Variants in RARB observed in about 807,000 individuals in gnomAD.
The protein encoded by RARB is retinoic acid receptor beta.
In RARB, 17 loss-of-function variants were observed where a neutral mutation model predicts 51.9. The ratio of observed to expected loss-of-function variants is 0.33; its 90% CI spans 0.22 to 0.49. The LOEUF (loss-of-function observed/expected upper bound fraction) is 0.49, where lower values mean the gene tolerates loss of function less well. RARB is among the 20% of genes least tolerant of loss of function. The pLI is 0.99. For missense variants in RARB, 369 were observed against 550.8 expected (o/e 0.67, Z 3.30); for synonymous variants, 215 against 195.4 (o/e 1.10, Z -0.84).
intron 2 of RARB, among the ~76,000 whole-genome samples, chr3:24,883,591 T>TAA (rs1053451636): frequency 6.6e-6 from 1 of 152,174 alleles, no homozygotes; most frequent in Non-Finnish European, 1.5e-5. Flanking sequence ...ATGGTTAAGT[T>TAA]AATTCACTTT....
intron 3 of RARB, among the ~76,000 whole-genome samples, chr3:25,130,249 T>C (rs1699924469): frequency 6.6e-6 from 1 of 152,112 alleles, no homozygotes; most frequent in South Asian, 2.1e-4. Context: ...TTCACTGTCT[T>C]GGAAGTCTTT....
chr3:25,406,864 A>G (rs578122049), intron 5 of RARB, among the ~76,000 whole-genome samples: 2 of 152,220 alleles, frequency 1.3e-5, no homozygotes, highest in South Asian at 4.2e-4. Context: ...GGGTGAAAAA[A>G]ATTGAGCTCA....
intron 2 of RARB, among the ~76,000 whole-genome samples, chr3:25,023,024 T>C (rs1248130230): frequency 6.6e-6 from 1 of 152,156 alleles, no homozygotes; most frequent in Non-Finnish European, 1.5e-5. Flanking sequence ...CTGCATGGAT[T>C]ACAAATTGGA....
intron 1 of RARB, among the ~76,000 whole-genome samples, chr3:25,455,672 G>T (rs1182794294): frequency 1.3e-5 from 2 of 152,154 alleles, no homozygotes; most frequent in Non-Finnish European, 2.9e-5. Flanking sequence ...CAGCATCACT[G>T]GTGCTGACTG....
At chr3:25,174,656 A>C (rs1700708489) in intron 5 of RARB, 39 of 1,232,142 alleles carry the variant, frequency 3.2e-5, no homozygotes, top group Non-Finnish European at 4.2e-5. Context: ...GTTGGTATCC[A>C]GGGCAATTTC....
chr3:25,119,103 T>C (rs904166489), intron 3 of RARB, among the ~76,000 whole-genome samples: 1 of 152,138 alleles, frequency 6.6e-6, no homozygotes, highest in Non-Finnish European at 1.5e-5. Flanking sequence ...TATTTTTTCA[T>C]TACAAAGCAA....
intron 3 of RARB, among the ~76,000 whole-genome samples, chr3:25,069,711 G>C (rs1347538584): frequency 6.6e-6 from 1 of 152,230 alleles, no homozygotes; most frequent in Non-Finnish European, 1.5e-5. Context: ...AAGCGGAGGG[G>C]GAGGCAGGGA....
intron 5 of RARB, among the ~76,000 whole-genome samples, chr3:25,204,206 C>G (rs1041583654): frequency 6.6e-6 from 1 of 152,172 alleles, no homozygotes; most frequent in Non-Finnish European, 1.5e-5. Flanking sequence ...ACCCTTTCTT[C>G]CAGTTGATCG....
chr3:25,223,367 G>A (rs938362804), intron 5 of RARB, among the ~76,000 whole-genome samples: 1 of 152,140 alleles, frequency 6.6e-6, no homozygotes, highest in African/African-American at 2.4e-5. Flanking sequence ...ATGAGGAAAA[G>A]GCTTAATGAA....
intron 5 of RARB, among the ~76,000 whole-genome samples, chr3:25,401,039 A>G (rs1211371286): frequency 6.6e-6 from 1 of 152,154 alleles, no homozygotes; most frequent in Non-Finnish European, 1.5e-5. Context: ...TAGTTTCATA[A>G]GGCAAGAGGT....
intron 3 of RARB, among the ~76,000 whole-genome samples, chr3:25,072,084 G>A (rs1331561324): frequency 1.3e-5 from 2 of 152,234 alleles, no homozygotes; most frequent in African/African-American, 4.8e-5. Flanking sequence ...TTCTGTGTTG[G>A]TCTTTGCTGC....
intron 5 of RARB, among the ~76,000 whole-genome samples, chr3:25,257,816 T>C (rs1171504430): frequency 6.6e-6 from 1 of 152,074 alleles, no homozygotes; most frequent in Admixed American, 6.6e-5. Flanking sequence ...TAAGCCCTCT[T>C]TGTTACCTAG....
chr3:25,559,888 T>C (rs1700203885), intron 3 of RARB, among the ~76,000 whole-genome samples: 1 of 152,140 alleles, frequency 6.6e-6, no homozygotes, highest in African/African-American at 2.4e-5. Context: ...GATGCATGGA[T>C]GAATGAGTAG....
At chr3:25,204,422 A>G (rs541759887) in intron 5 of RARB, among the ~76,000 whole-genome samples, 1 of 152,078 alleles carries the variant, frequency 6.6e-6, no homozygotes. Flanking sequence ...CCTTCTCTCA[A>G]CTCGTCAAAG....
At chr3:25,158,968 C>A (rs1700425175) in intron 4 of RARB, among the ~76,000 whole-genome samples, 1 of 152,008 alleles carries the variant, frequency 6.6e-6, no homozygotes, top group South Asian at 2.1e-4. Flanking sequence ...GCAGACATCA[C>A]ATCACCCACG....
At chr3:24,923,606 C>G (rs1212560215) in intron 2 of RARB, among the ~76,000 whole-genome samples, 2 of 151,982 alleles carry the variant, frequency 1.3e-5, no homozygotes, top group African/African-American at 4.8e-5. Context: ...GAATAAACCT[C>G]AGTGGACTTA....
intron 2 of RARB, among the ~76,000 whole-genome samples, chr3:25,023,057 G>C (rs1697671398): frequency 6.6e-6 from 1 of 152,144 alleles, no homozygotes; most frequent in Non-Finnish European, 1.5e-5. Context: ...TAGAGGGAGG[G>C]AGATATGGGT....
intron 2 of RARB, among the ~76,000 whole-genome samples, chr3:25,481,275 TCGG>T (rs1696210350): frequency 6.6e-6 from 1 of 152,224 alleles, no homozygotes; most frequent in African/African-American, 2.4e-5. Flanking sequence ...AAAGACTGTG[TCGG>T]CCACCACTGA....
chr3:25,029,534 C>G (rs1298689328), intron 2 of RARB, among the ~76,000 whole-genome samples: 2 of 152,166 alleles, frequency 1.3e-5, no homozygotes, highest in Admixed American at 6.5e-5. Context: ...TCCACAGGAG[C>G]CTTTTCCTAG....
Sources: allele counts gnomAD v4.1 joint callset (sites outside exome capture counted in the v4.1 genomes callset), GRCh38; gene constraint gnomAD v4.1.1; transcripts MANE v1.5; gene names NCBI Gene and HGNC (gene_info 2026-07-23, HGNC 2026-07-21).